RPUSD2: variants seen among roughly 807,000 people sequenced by gnomAD.
RPUSD2 encodes RNA pseudouridine synthase domain containing 2.
In RPUSD2, 31 loss-of-function variants were observed where a neutral mutation model predicts 41.5. The observed-to-expected ratio is 0.75, with a 90% confidence interval of 0.56 to 1.01. RPUSD2 has a LOEUF of 1.01. RPUSD2 is among the 50% of genes least tolerant of loss of function. The pLI, the probability that RPUSD2 is intolerant of heterozygous loss-of-function variation, is 0.00. For missense variants in RPUSD2, 749 were observed against 724.7 expected, an observed-to-expected ratio of 1.03 and a Z score of -0.38; for synonymous variants, 305 against 289.7, an observed-to-expected ratio of 1.05 and a Z score of -0.54.
chr15:40,573,810 C>G lies in RPUSD2; in HGVS notation c.1187C>G (p.Pro396Arg), dbSNP rs879163105. The G allele has an allele frequency of 1.9e-6, 3 of 1,614,098 alleles. No individual in the cohort carries two copies. The highest frequency in any genetic ancestry group is 2.5e-6 in the Non-Finnish European group (3 of 1,180,046). Residue 396 changes from proline to arginine, a missense_variant, in exon 3 of 3, where the codon CCT (proline) becomes CGT (arginine). Coordinates refer to ENST00000315616, the MANE Select transcript of RPUSD2 (RefSeq NM_152260.3). ...DPIYNSVAWG[P>R]SRGRGGYIPK... ...ATCTACAACTCAGTTGCCTGGGGTC[C>G]TTCTCGAGGCCGGGGCGGCTACATT... is the stretch of plus-strand genomic sequence containing the variant.
At position 40,574,468 on chromosome 15, in the gene RPUSD2, T is replaced by G. The variant is rs1891214141; in HGVS notation, c.*207T>G. 1 of 490,704 alleles carries G rather than the reference T, an allele frequency of 2.0e-6. No individual in the cohort carries two copies. The highest frequency in any genetic ancestry group is 3.8e-5 in the Admixed American group (1 of 26,584). 30.4% of individuals were successfully genotyped at this position (490,704 alleles called of 1,614,324 possible). A position where few individuals can be genotyped will look rare whatever the true frequency, so the allele number is the denominator to read the frequency against. On this transcript the variant is annotated 3_prime_UTR_variant, in exon 3 of 3. Coordinates refer to ENST00000315616, the MANE Select transcript of RPUSD2 (RefSeq NM_152260.3). ...ATATCCCTTTTTCTAACATCTTTGA[T>G]GTCTGGTTTTCTTCCGGCTTCTTTT...
In RPUSD2 at chr15:40,573,783, C is replaced by G. The variant is rs750738579; in HGVS notation, c.1160C>G (p.Pro387Arg). ...QFLGHPILND[P>R]IYNSVAWGPS... ...TTGGGCCATCCCATTCTCAACGACC[C>G]CATCTACAACTCAGTTGCCTGGGGT... is the stretch of plus-strand genomic sequence containing the variant. The change falls in exon 3 of 3, where the codon CCC (proline) becomes CGC (arginine). Residue 387 changes from proline (P) to arginine (R), a missense_variant. Physicochemically the swap from Pro to Arg is moderately radical, Grantham distance 103 (BLOSUM62 -2). Transcript: ENST00000315616. The G allele has an allele frequency of 6.2e-7, 1 of 1,614,220 alleles. No homozygotes were observed. The highest frequency in any genetic ancestry group is 1.1e-5 in the South Asian group (1 of 91,086).
intron 1 of RPUSD2, 196 bp downstream of exon 1, chr15:40,570,139 C>A: frequency 1.5e-6 from 1 of 665,288 alleles, no homozygotes; most frequent in Non-Finnish European, 2.4e-6. Context: ...GGTGTCTGTG[C>A]TTCAGGACTC....
chr15:40,574,293 G>A lies in RPUSD2; in HGVS notation c.*32G>A, dbSNP rs182812993. The stretch of plus-strand genomic sequence containing the variant: ...GGCCAATGGAGGGATTGCTTCTTGG[G>A]TTGTGACAAGGATGGGCTATAGGGC... On this transcript the variant is annotated 3_prime_UTR_variant, in exon 3 of 3. Coordinates refer to ENST00000315616, the MANE Select transcript of RPUSD2 (RefSeq NM_152260.3). 523 of 1,586,888 alleles carry A rather than the reference G, an allele frequency of 3.3e-4. 2 individuals are homozygous for A. In the African/African-American group the frequency reaches 6.0e-3, roughly 18 times the overall value.
At chr15:40,571,527 C>T (rs1191856140) in intron 1 of RPUSD2, 77 bp from the exon 2 acceptor site, 2 of 1,356,248 alleles carry the variant, frequency 1.5e-6, no homozygotes, top group African/African-American at 1.4e-5. Context: ...CAGTGAGGAA[C>T]AGGGGAAGCT....
chr15:40,573,288 G>A (rs1372024901), intron 2 of RPUSD2, among the ~76,000 whole-genome samples: 1 of 152,144 alleles, frequency 6.6e-6, no homozygotes, highest in African/African-American at 2.4e-5. Context: ...GCTTCCCAAA[G>A]TGCTGGGATT....
chr15:40,571,988 C>A (rs1434286801), intron 2 of RPUSD2, 88 bp downstream of exon 2: 1 of 1,369,060 alleles, frequency 7.3e-7, no homozygotes, highest in South Asian at 1.4e-5. Context: ...CCGAAGTGGT[C>A]CTTCATATTT....
chr15:40,573,427 G>A, intron 2 of RPUSD2, 100 bp from the exon 3 acceptor site: 1 of 1,363,066 alleles, frequency 7.3e-7, no homozygotes, highest in Non-Finnish European at 1.0e-6. Context: ...TAGAGCTGGA[G>A]TTTGAATTTT....
At position 40,572,184 on chromosome 15, in the gene RPUSD2, TTGGGAGGCTGAGG is replaced by T. The variant is rs1891156425; in HGVS notation, c.903+292_903+304del. The stretch of plus-strand genomic sequence containing the variant: ...GGCTCACACCTGTAATCCCAGCATT[TTGGGAGGCTGAGG>T]TGGGAGGATAGCTTGAGCCCAGGAG... On this transcript the variant is annotated intron_variant, in intron 2 of 2. Transcript: ENST00000315616. Among the ~76,000 whole-genome samples the T allele has an allele frequency of 2.0e-5, 3 of 151,654 alleles. No homozygotes were observed. The South Asian group carries it at 6.3e-4, about 32-fold the overall frequency.
chr15:40,571,521 G>T, intron 1 of RPUSD2, 83 bp from the exon 2 acceptor site: 1 of 1,298,378 alleles, frequency 7.7e-7, no homozygotes, highest in East Asian at 2.4e-5. Context: ...CCATGTCAGT[G>T]AGGAACAGGG....
Position 40,571,705 on chromosome 15 carries a change from C to G in RPUSD2, c.708C>G (p.Asp236Glu), listed in dbSNP as rs150929149. The G allele has an allele frequency of 1.2e-6, 2 of 1,614,142 alleles. No homozygotes were observed. The highest frequency in any genetic ancestry group is 2.2e-5 in the South Asian group (2 of 91,094). ...LAENEDVVVV[D>E]KPSSIPVHPC... The stretch of plus-strand genomic sequence containing the variant: ...AGAACGAAGATGTGGTGGTTGTAGA[C>G]AAGCCTTCCTCCATTCCCGTTCACC... Residue 236 changes from aspartate to glutamate, a missense_variant, in exon 2 of 3, where the codon GAC becomes GAG. Transcript: ENST00000315616.
rs1342104042 is a variant in RPUSD2, at chr15:40,569,951, C to T, written c.606+8C>T. The T allele has an allele frequency of 6.5e-7, 1 of 1,529,786 alleles. No individual in the cohort carries two copies. The highest frequency in any genetic ancestry group is 1.2e-5 in the South Asian group (1 of 82,726). The allele number at this position is 1,529,786 out of a possible 1,614,324, so 94.8% of individuals were successfully genotyped here. ...CTCAACATCGTGCTCAAGGTGGAGTCCTGATGGGGCTGGCCAGAAGCGGGC... is the reference window on the plus strand; with the variant it reads ...CTCAACATCGTGCTCAAGGTGGAGTTCTGATGGGGCTGGCCAGAAGCGGGC... On this transcript the variant is annotated splice_region_variant and intron_variant, in intron 1 of 2. Transcript: ENST00000315616.
rs1058734 is a variant in RPUSD2 at position 40,569,865 on chromosome 15, C to T, written c.528C>T (p.Ala176=). 0.41 allele frequency: 660,642 copies of T among 1,606,428 alleles called. 143,170 individuals are homozygous for T. Among genetic ancestry groups the T allele is most frequent in the Non-Finnish European group, 0.46 (536,065 of 1,176,668 alleles). ...CCGAGTTCCGAGCTCAGCCCCTGGC[C>T]TACTATGAGGCCGCGGTCCGGGCGG... ...FSTEFRAQPL[A]YYEAAVRAGR... The change falls in exon 1 of 3, where the codon GCC becomes GCT. Residue 176 remains alanine (A), a synonymous_variant. Transcript: ENST00000315616.
Position 40,574,841 on chromosome 15 carries a change from T to C in RPUSD2, c.*580T>C, listed in dbSNP as rs1251563195. ...GTACCCATTAAGTAAGTGGTCACTT[T>C]CCACTCCCCTTCCACCAGCCTCTGG... On this transcript the variant is annotated 3_prime_UTR_variant, in exon 3 of 3. Coordinates refer to ENST00000315616, the MANE Select transcript of RPUSD2 (RefSeq NM_152260.3). 1.3e-5 allele frequency: 2 copies of C among 152,246 alleles called. No individual in the cohort carries two copies. 9.4% of individuals were successfully genotyped at this position (152,246 alleles called of 1,614,324 possible). A position where few individuals can be genotyped will look rare whatever the true frequency, so the allele number is the denominator to read the frequency against.
At chr15:40,572,350 C>T (rs1015346882) in intron 2 of RPUSD2, among the ~76,000 whole-genome samples, 4 of 151,726 alleles carry the variant, frequency 2.6e-5, no homozygotes, top group Admixed American at 2.6e-4. Context: ...ATCACGAGGT[C>T]AGGAGATCGA....
intron 1 of RPUSD2, among the ~76,000 whole-genome samples, chr15:40,571,055 C>T (rs556242947): frequency 2.0e-5 from 3 of 151,452 alleles, no homozygotes; most frequent in East Asian, 1.9e-4. Context: ...TGTAGTGGCG[C>T]GATCTCGGCT....
rs141007675 is a variant in RPUSD2, at chr15:40,574,158, A to G, written c.1535A>G (p.Gln512Arg). ...CTGGTGCGACAGGATCCCTTGCCCCAAGACCTTGTGATGTTCCTACATGCC... is the reference window on the plus strand; with the variant it reads ...CTGGTGCGACAGGATCCCTTGCCCCGAGACCTTGTGATGTTCCTACATGCC... ...CRLVRQDPLP[Q>R]DLVMFLHALR... The change falls in exon 3 of 3, where the codon CAA becomes CGA. Residue 512 changes from glutamine (Q) to arginine (R), a missense_variant. Physicochemically the swap from Gln to Arg is conservative, Grantham distance 43 (BLOSUM62 1). Transcript: ENST00000315616. 255 of 1,614,136 alleles carry G rather than the reference A, an allele frequency of 1.6e-4. No individual in the cohort carries two copies. In the African/African-American group the frequency reaches 3.2e-3, roughly 20 times the overall value.
At position 40,573,947 on chromosome 15, in the gene RPUSD2, T is replaced by C; in HGVS notation, c.1324T>C (p.Ser442Pro). The C allele has an allele frequency of 6.2e-7, 1 of 1,614,124 alleles. No homozygotes were observed. The highest frequency in any genetic ancestry group is 1.1e-5 in the South Asian group (1 of 91,074). Residue 442 changes from serine to proline, a missense_variant, in exon 3 of 3, where the codon TCT (serine) becomes CCT (proline). By Grantham distance (74) the Ser-to-Pro change is moderately conservative. Transcript: ENST00000315616. The part of the protein sequence containing the change: ...EGDLSPGLTD[S>P]TAPSSELGKD... Reference sequence around the variant, plus strand: ...TGACCTGTCCCCAGGACTCACAGACTCTACGGCCCCCTCCTCAGAGTTGGG... The same window carrying C: ...TGACCTGTCCCCAGGACTCACAGACCCTACGGCCCCCTCCTCAGAGTTGGG...
Position 40,573,600 on chromosome 15 carries a change from T to A in RPUSD2, c.977T>A (p.Leu326Ter), listed in dbSNP as rs772740684. 6.2e-7 allele frequency: 1 copy of A among 1,614,178 alleles called. No individual in the cohort carries two copies. The highest frequency in any genetic ancestry group is 1.1e-5 in the South Asian group (1 of 91,072). ...TEEVTCKEPI[L>*]VVSYKVGVCR... The stretch of plus-strand genomic sequence containing the variant: ...GAAGTGACCTGTAAAGAACCCATCT[T>A]AGTGGTGTCTTACAAAGTAGGGGTG... Residue 326 changes from leucine (L) to a stop codon, truncating the protein, a stop_gained, in exon 3 of 3, where the codon TTA becomes TAA. Coordinates refer to ENST00000315616, the MANE Select transcript of RPUSD2 (RefSeq NM_152260.3). LOFTEE classifies it high-confidence loss of function.
Sources: gnomAD v4.1 joint callset for allele counts (sites outside exome capture counted in the v4.1 genomes callset) on GRCh38, gnomAD v4.1.1 for gene constraint, MANE v1.5 for transcripts, NCBI Gene and HGNC (gene_info 2026-07-23, HGNC 2026-07-21) for gene names.